Variants in ZMAT4 observed in about 807,000 individuals in gnomAD.
ZMAT4 encodes zinc finger matrin-type protein 4.
Under a neutral mutation model 28.7 loss-of-function variants are expected in ZMAT4, and 17 were observed. That is an observed-to-expected ratio of 0.59 (90% CI 0.41 to 0.89). ZMAT4 has a LOEUF of 0.89. Among genes scored for constraint, ZMAT4 ranks in the 40% least tolerant of loss-of-function variants. The pLI is 0.00. For missense variants in ZMAT4, 240 were observed against 283.8 expected (o/e 0.85, Z 1.11); for synonymous variants, 117 against 109.2 (o/e 1.07, Z -0.44).
chr8:40,648,036 C>T lies in ZMAT4; in HGVS notation c.577+26668G>A, dbSNP rs191080838. 8.3e-4 allele frequency among the ~76,000 whole-genome samples: 127 copies of T among 152,302 alleles called. 1 individual carries two copies. The highest frequency in any genetic ancestry group is 2.6e-3 in the African/African-American group (110 of 41,538). On this transcript the variant is annotated intron_variant, in intron 5 of 6. Coordinates refer to ENST00000297737, the MANE Select transcript of ZMAT4 (RefSeq NM_024645.3). Reference sequence around the variant, plus strand: ...GAGTGCCTCTCCTCCGCCAAAGGAACGCAGTTCCTCACCAGCAACGGAACA... The same window carrying T: ...GAGTGCCTCTCCTCCGCCAAAGGAATGCAGTTCCTCACCAGCAACGGAACA...
chr8:40,546,985 T>C (rs949943026), intron 6 of ZMAT4, among the ~76,000 whole-genome samples: 1 of 152,174 alleles, frequency 6.6e-6, no homozygotes, highest in Non-Finnish European at 1.5e-5. Flanking sequence ...CAAACTTTCA[T>C]GGCAACAATA....
At chr8:40,720,584 G>C (rs966735478) in intron 3 of ZMAT4, among the ~76,000 whole-genome samples, 3 of 145,990 alleles carry the variant, frequency 2.1e-5, no homozygotes, top group Non-Finnish European at 3.0e-5. Flanking sequence ...CTGGAGTGCA[G>C]TGGCATGATT....
At chr8:40,675,043 C>T (rs1808852854) in intron 4 of ZMAT4, 112 bp from the exon 5 acceptor site, 2 of 718,488 alleles carry the variant, frequency 2.8e-6, no homozygotes, top group Non-Finnish European at 4.4e-6. Context: ...GCTTAAACAT[C>T]CCCAAGAGTT....
intron 2 of ZMAT4, among the ~76,000 whole-genome samples, chr8:40,792,473 C>CAGGAAGGAAGGA (rs372079235): frequency 1.9e-3 from 28 of 14,500 alleles, no homozygotes; most frequent in Admixed American, 4.2e-3. Context: ...GAATAGTATT[C>CAGGAAGGAAGGA]AGGAAGGAAG....
At chr8:40,547,420 G>A (rs1022652637) in intron 6 of ZMAT4, among the ~76,000 whole-genome samples, 1 of 152,186 alleles carries the variant, frequency 6.6e-6, no homozygotes, top group African/African-American at 2.4e-5. Flanking sequence ...TTCACTGTTT[G>A]GAAATGAAGG....
chr8:40,758,920 G>A (rs1480052864), intron 3 of ZMAT4, among the ~76,000 whole-genome samples: 2 of 152,162 alleles, frequency 1.3e-5, no homozygotes, highest in African/African-American at 4.8e-5. Flanking sequence ...ACCTACTGGA[G>A]AAAAGAAACA....
At chr8:40,737,318 T>C (rs1811809516) in intron 3 of ZMAT4, among the ~76,000 whole-genome samples, 2 of 151,946 alleles carry the variant, frequency 1.3e-5, no homozygotes, top group Non-Finnish European at 2.9e-5. Context: ...AACCAAAAGA[T>C]TGGACACCCC....
intron 1 of ZMAT4, among the ~76,000 whole-genome samples, chr8:40,876,399 G>C (rs1414908915): frequency 1.3e-5 from 2 of 152,114 alleles, no homozygotes; most frequent in Non-Finnish European, 2.9e-5. Context: ...TAGCTCCATA[G>C]CCTCCTGGGC....
intron 3 of ZMAT4, among the ~76,000 whole-genome samples, chr8:40,736,329 A>T (rs12541699): frequency 0.12 from 17,958 of 152,174 alleles, 1,534 homozygotes; most frequent in East Asian, 0.39. Context: ...GCCACATTAT[A>T]CCAATATCAA....
chr8:40,719,500 A>T (rs943679634), intron 3 of ZMAT4, among the ~76,000 whole-genome samples: 4 of 152,180 alleles, frequency 2.6e-5, no homozygotes, highest in African/African-American at 9.6e-5. Context: ...AATTAGAGAA[A>T]GCAGGGAGAA....
intron 1 of ZMAT4, among the ~76,000 whole-genome samples, chr8:40,891,264 G>GAGGGGTA (rs1818671511): frequency 8.9e-6 from 1 of 112,306 alleles, no homozygotes; most frequent in African/African-American, 3.2e-5. Flanking sequence ...GGGGAGGGGG[G>GAGGGGTA]AGGGGGAAGG....
At chr8:40,558,356 C>G (rs371450452) in intron 6 of ZMAT4, among the ~76,000 whole-genome samples, 1 of 152,056 alleles carries the variant, frequency 6.6e-6, no homozygotes, top group Non-Finnish European at 1.5e-5. Context: ...AGGCAAATGT[C>G]CCCACAGGGA....
chr8:40,543,727 A>C (rs1803113020), intron 6 of ZMAT4, among the ~76,000 whole-genome samples: 1 of 152,262 alleles, frequency 6.6e-6, no homozygotes, highest in Admixed American at 6.5e-5. Flanking sequence ...AAGTAGTCGT[A>C]AAGCTATTCA....
chr8:40,628,978 G>A (rs1433291654), intron 5 of ZMAT4, among the ~76,000 whole-genome samples: 2 of 149,632 alleles, frequency 1.3e-5, no homozygotes, highest in Non-Finnish European at 3.0e-5. Flanking sequence ...ATGTTTGCTT[G>A]GGAAAATCCT....
intron 4 of ZMAT4, among the ~76,000 whole-genome samples, chr8:40,690,346 C>T (rs980188949): frequency 2.0e-5 from 3 of 152,162 alleles, no homozygotes; most frequent in African/African-American, 7.2e-5. Flanking sequence ...AAATAACGAT[C>T]ACTAAGCCCC....
chr8:40,668,487 GAAAAGAA>G (rs1808534566), intron 5 of ZMAT4, among the ~76,000 whole-genome samples: 2 of 119,652 alleles, frequency 1.7e-5, no homozygotes, highest in South Asian at 2.8e-4. Flanking sequence ...AAAAAAAAAA[GAAAAGAA>G]AAAAGAAAAA....
intron 3 of ZMAT4, among the ~76,000 whole-genome samples, chr8:40,703,267 T>C (rs1810222056): frequency 6.6e-6 from 1 of 152,134 alleles, no homozygotes; most frequent in Non-Finnish European, 1.5e-5. Flanking sequence ...CATAAAAATT[T>C]TTACATGAGT....
chr8:40,576,346 G>C (rs939223273), intron 6 of ZMAT4, among the ~76,000 whole-genome samples: 1 of 150,030 alleles, frequency 6.7e-6, no homozygotes, highest in African/African-American at 2.5e-5. Context: ...AACCCAAAAA[G>C]GTCCTCCCTG....
At chr8:40,780,788 A>G (rs190533181) in intron 2 of ZMAT4, among the ~76,000 whole-genome samples, 1 of 152,266 alleles carries the variant, frequency 6.6e-6, no homozygotes, top group East Asian at 1.9e-4. Context: ...AAAGGCAAAA[A>G]CCCTAAGATC....
Sources: gnomAD v4.1 joint callset for allele counts (sites outside exome capture counted in the v4.1 genomes callset) on GRCh38, gnomAD v4.1.1 for gene constraint, MANE v1.5 for transcripts, NCBI Gene and HGNC (gene_info 2026-07-23, HGNC 2026-07-21) for gene names.